CIRSR: variants seen among roughly 807,000 people sequenced by gnomAD.
CIRSR encodes the protein CBF1 (RBPJ) interacting corepressor 1.
chr2:174,378,196 G>A, the CIRSR span, among the ~76,000 whole-genome samples: 1 of 152,084 alleles, frequency 6.6e-6, no homozygotes, highest in Non-Finnish European at 1.5e-5. Flanking sequence ...CTTTAAAAAT[G>A]CAAAAAATCT....
chr2:174,367,096 T>C, the CIRSR span, among the ~76,000 whole-genome samples: 1 of 152,062 alleles, frequency 6.6e-6, no homozygotes, highest in African/African-American at 2.4e-5. Flanking sequence ...ATATAGTAGA[T>C]ATTAATCCAA....
chr2:174,362,168 T>C, the CIRSR span, among the ~76,000 whole-genome samples: 1 of 151,996 alleles, frequency 6.6e-6, no homozygotes, highest in Non-Finnish European at 1.5e-5. Context: ...GAGCCAGGCA[T>C]TGTGGTATAT....
At chr2:174,376,801 G>GA in the CIRSR span, among the ~76,000 whole-genome samples, 920 of 106,804 alleles carry the variant, frequency 8.6e-3, 11 homozygotes, top group African/African-American at 0.02. Flanking sequence ...CTGTCTCAGG[G>GA]AAAAAAAAAA....
chr2:174,380,290 T>C, the CIRSR span: 1 of 1,451,804 alleles, frequency 6.9e-7, no homozygotes, highest in Non-Finnish European at 9.3e-7. Flanking sequence ...ATATTAAGAA[T>C]AATTTAAAAA....
chr2:174,373,870 AACACACACATACACACACACAT>A, the CIRSR span, among the ~76,000 whole-genome samples: 1 of 150,548 alleles, frequency 6.6e-6, no homozygotes, highest in African/African-American at 2.5e-5. Flanking sequence ...TCACAAGCAA[AACACACACATACACACACACAT>A]ACACACACAC....
the CIRSR span, among the ~76,000 whole-genome samples, chr2:174,376,244 C>T: frequency 6.6e-6 from 1 of 152,160 alleles, no homozygotes; most frequent in Admixed American, 6.5e-5. Flanking sequence ...TTCTCATCTT[C>T]TCCCACCCAG....
chr2:174,363,956 C>T, the CIRSR span, among the ~76,000 whole-genome samples: 3 of 152,282 alleles, frequency 2.0e-5, no homozygotes, highest in African/African-American at 7.2e-5. Flanking sequence ...ATAATGCCTT[C>T]CCAACAGTCC....
the CIRSR span, among the ~76,000 whole-genome samples, chr2:174,370,288 T>C: frequency 6.6e-6 from 1 of 152,148 alleles, no homozygotes; most frequent in African/African-American, 2.4e-5. Context: ...GGTCTTGAAC[T>C]ATCCTCCCCT....
chr2:174,351,522 T>G, the CIRSR span: 3 of 915,060 alleles, frequency 3.3e-6, no homozygotes, highest in South Asian at 3.7e-5. Flanking sequence ...TACTTTCCTA[T>G]GGATATATGC....
chr2:174,380,232 C>T, the CIRSR span: 1 of 1,598,806 alleles, frequency 6.3e-7, no homozygotes, highest in South Asian at 1.1e-5. Flanking sequence ...CTCTGATGTT[C>T]ATGTCATCTT....
chr2:174,353,178 G>A, the CIRSR span, among the ~76,000 whole-genome samples: 1 of 152,082 alleles, frequency 6.6e-6, no homozygotes, highest in Non-Finnish European at 1.5e-5. Flanking sequence ...TCTATTATTG[G>A]AGTATGGGGG....
chr2:174,376,777 G>A, the CIRSR span, among the ~76,000 whole-genome samples: 3 of 144,646 alleles, frequency 2.1e-5, no homozygotes, highest in Admixed American at 2.1e-4. Context: ...CAGCCTGGGT[G>A]GCAAAGCGAG....
chr2:174,391,399 G>T, the CIRSR span, among the ~76,000 whole-genome samples: 6 of 152,144 alleles, frequency 3.9e-5, no homozygotes, highest in African/African-American at 1.4e-4. Context: ...AGACCAGCCT[G>T]GCCAACATGG....
the CIRSR span, among the ~76,000 whole-genome samples, chr2:174,371,571 T>A: frequency 1.3e-5 from 2 of 152,208 alleles, no homozygotes; most frequent in Admixed American, 1.3e-4. Flanking sequence ...GTTAAGATGA[T>A]CTTATCAGTA....
At chr2:174,372,352 G>T in the CIRSR span, among the ~76,000 whole-genome samples, 1 of 152,020 alleles carries the variant, frequency 6.6e-6, no homozygotes, top group Non-Finnish European at 1.5e-5. Context: ...GTTAATATTT[G>T]TCTATCTCCT....
At chr2:174,366,832 G>C in the CIRSR span, among the ~76,000 whole-genome samples, 2 of 152,132 alleles carry the variant, frequency 1.3e-5, no homozygotes, top group African/African-American at 4.8e-5. Flanking sequence ...TGAGATACTT[G>C]TACTAACCAT....
the CIRSR span, among the ~76,000 whole-genome samples, chr2:174,359,426 T>C: frequency 1.3e-5 from 2 of 151,992 alleles, no homozygotes; most frequent in East Asian, 3.9e-4. Context: ...CTATATATTA[T>C]ATATCTCTCT....
At chr2:174,367,143 A>C in the CIRSR span, among the ~76,000 whole-genome samples, 1 of 152,174 alleles carries the variant, frequency 6.6e-6, no homozygotes, top group African/African-American at 2.4e-5. Context: ...AATGGTCTTA[A>C]CACACCAATT....
the CIRSR span, among the ~76,000 whole-genome samples, chr2:174,381,383 G>A: frequency 6.6e-6 from 1 of 152,110 alleles, no homozygotes; most frequent in African/African-American, 2.4e-5. Flanking sequence ...GGCCAGGTGC[G>A]GTGGCTCACG....
Sources: allele counts gnomAD v4.1 joint callset (sites outside exome capture counted in the v4.1 genomes callset), GRCh38; gene constraint gnomAD v4.1.1; transcripts MANE v1.5; gene names NCBI Gene and HGNC (gene_info 2026-07-23, HGNC 2026-07-21).